NPAS3: variants seen among roughly 807,000 people sequenced by gnomAD.
NPAS3 encodes the protein neuronal PAS domain protein 3, also known as neuronal PAS domain-containing protein 3.
In NPAS3, 14 loss-of-function variants were observed where a neutral mutation model predicts 73.1. The observed-to-expected ratio is 0.19, with a 90% CI of 0.13 to 0.30. The LOEUF (loss-of-function observed/expected upper bound fraction) is 0.30, where lower values mean the gene tolerates loss of function less well. Ranked by LOEUF, NPAS3 falls within the 10% of genes least tolerant of loss-of-function variation. NPAS3 has a pLI of 1.00. For missense variants in NPAS3, 1,096 were observed against 1,250.0 expected (o/e 0.88, Z 1.86); for synonymous variants, 620 against 541.5 (o/e 1.14, Z -2.01).
chr14:32,956,079 A>G (rs1388396277), intron 1 of NPAS3, among the ~76,000 whole-genome samples: 2 of 152,034 alleles, frequency 1.3e-5, no homozygotes, highest in Non-Finnish European at 2.9e-5. Flanking sequence ...GTTTTTTTTT[A>G]ACTTTCAAAT....
intron 1 of NPAS3, among the ~76,000 whole-genome samples, chr14:33,050,002 A>T (rs1040344100): frequency 3.3e-5 from 5 of 152,206 alleles, no homozygotes; most frequent in African/African-American, 1.2e-4. Flanking sequence ...AGCTTTCCAG[A>T]ATTAGCAGAA....
At chr14:33,093,682 G>C (rs767610495) in intron 2 of NPAS3, among the ~76,000 whole-genome samples, 2 of 152,008 alleles carry the variant, frequency 1.3e-5, no homozygotes, top group Non-Finnish European at 2.9e-5. Context: ...ATGTTTATTG[G>C]GGCACTATTC....
chr14:33,123,340 G>A (rs1402911697), intron 2 of NPAS3, among the ~76,000 whole-genome samples: 2 of 152,072 alleles, frequency 1.3e-5, no homozygotes, highest in African/African-American at 2.4e-5. Context: ...CAAGGGAGAT[G>A]CCACAAGAGC....
At chr14:33,584,109 G>T (rs2056776152) in intron 5 of NPAS3, among the ~76,000 whole-genome samples, 1 of 151,952 alleles carries the variant, frequency 6.6e-6, no homozygotes, top group Admixed American at 6.6e-5. Flanking sequence ...TTATATTTTT[G>T]CTGTCGTAGA....
At chr14:33,061,722 G>A (rs114908263) in intron 2 of NPAS3, among the ~76,000 whole-genome samples, 2,772 of 152,204 alleles carry the variant, frequency 0.018, 76 homozygotes, top group African/African-American at 0.064. Context: ...TACACGAACT[G>A]TTCTACACTA....
intron 4 of NPAS3, among the ~76,000 whole-genome samples, chr14:33,508,005 G>T (rs1430890274): frequency 2.6e-5 from 4 of 151,902 alleles, no homozygotes; most frequent in Non-Finnish European, 5.9e-5. Context: ...TCAAGTTGCT[G>T]CCAAGGGACT....
chr14:33,676,063 G>C (rs1281096111), intron 5 of NPAS3, 148 bp from the exon 6 acceptor site: 1 of 707,062 alleles, frequency 1.4e-6, no homozygotes, highest in Non-Finnish European at 2.3e-6. Flanking sequence ...GAATTCTTAA[G>C]TATTTGAAGA....
intron 2 of NPAS3, among the ~76,000 whole-genome samples, chr14:33,064,256 A>G (rs1041105989): frequency 1.3e-5 from 2 of 152,250 alleles, no homozygotes; most frequent in African/African-American, 4.8e-5. Flanking sequence ...AAAAGTATAT[A>G]AGCAGTATCT....
intron 3 of NPAS3, among the ~76,000 whole-genome samples, chr14:33,362,198 G>A (rs965783697): frequency 1.3e-5 from 2 of 152,122 alleles, no homozygotes; most frequent in Admixed American, 1.3e-4. Context: ...AAATCTCCCA[G>A]TGTCTAAGCC....
At chr14:33,287,734 A>G (rs1346265289) in intron 3 of NPAS3, among the ~76,000 whole-genome samples, 1 of 152,148 alleles carries the variant, frequency 6.6e-6, no homozygotes, top group Non-Finnish European at 1.5e-5. Context: ...TAGAATTCAG[A>G]GCTAATAATT....
chr14:33,152,016 C>A (rs1268349619), intron 2 of NPAS3, among the ~76,000 whole-genome samples: 1 of 152,026 alleles, frequency 6.6e-6, no homozygotes, highest in Non-Finnish European at 1.5e-5. Context: ...TTCTGATTCT[C>A]AACCAGGAGT....
At chr14:33,199,400 C>G (rs1314229926) in intron 2 of NPAS3, among the ~76,000 whole-genome samples, 1 of 152,150 alleles carries the variant, frequency 6.6e-6, no homozygotes. Context: ...CCTCCTGTCC[C>G]TATTGTATGG....
At chr14:33,734,607 G>A (rs777675850) in intron 6 of NPAS3, among the ~76,000 whole-genome samples, 9 of 152,128 alleles carry the variant, frequency 5.9e-5, no homozygotes, top group Non-Finnish European at 1.2e-4. Context: ...AGTTGGTATC[G>A]TGAGTAGTTT....
At chr14:33,344,230 G>A (rs750782435) in intron 3 of NPAS3, among the ~76,000 whole-genome samples, 18 of 152,134 alleles carry the variant, frequency 1.2e-4, no homozygotes, top group African/African-American at 1.7e-4. Context: ...ACATATTTAC[G>A]TAACCAGGGA....
At chr14:33,231,552 T>C (rs950832661) in intron 3 of NPAS3, among the ~76,000 whole-genome samples, 1 of 152,170 alleles carries the variant, frequency 6.6e-6, no homozygotes, top group Admixed American at 6.5e-5. Context: ...TGATCATTCT[T>C]TACACTTACA....
intron 3 of NPAS3, among the ~76,000 whole-genome samples, chr14:33,334,298 G>C (rs987171308): frequency 2.6e-5 from 4 of 152,068 alleles, no homozygotes; most frequent in African/African-American, 9.7e-5. Flanking sequence ...TAAATTTATA[G>C]TTATGCGACC....
At chr14:33,443,674 G>A (rs1594917862) in intron 4 of NPAS3, among the ~76,000 whole-genome samples, 1 of 152,240 alleles carries the variant, frequency 6.6e-6, no homozygotes, top group Non-Finnish European at 1.5e-5. Flanking sequence ...GTTTAAAGCA[G>A]CAGCCACTAG....
intron 4 of NPAS3, among the ~76,000 whole-genome samples, chr14:33,471,796 T>C (rs2050794147): frequency 6.6e-6 from 1 of 152,202 alleles, no homozygotes; most frequent in Non-Finnish European, 1.5e-5. Flanking sequence ...CATTAGGAAC[T>C]GGGCTGCACA....
At chr14:32,944,921 T>G (rs1036504871) in intron 1 of NPAS3, among the ~76,000 whole-genome samples, 1 of 152,198 alleles carries the variant, frequency 6.6e-6, no homozygotes, top group African/African-American at 2.4e-5. Context: ...GGCCCACAGT[T>G]CTCCTGGCCC....
Sources: allele counts gnomAD v4.1 joint callset (sites outside exome capture counted in the v4.1 genomes callset), GRCh38; gene constraint gnomAD v4.1.1; transcripts MANE v1.5; gene names NCBI Gene and HGNC (gene_info 2026-07-23, HGNC 2026-07-21).